MCTP1: variants seen among roughly 807,000 people sequenced by gnomAD.
The protein encoded by MCTP1 is multiple C2 and transmembrane domain-containing protein 1.
MCTP1 carries 69 observed loss-of-function variants against 120.6 expected under a neutral mutation model. The observed-to-expected ratio is 0.57, with a 90% CI of 0.47 to 0.70. The LOEUF is 0.70. MCTP1 is among the 30% of genes least tolerant of loss of function. The pLI is 0.00. For missense variants in MCTP1, 1,203 were observed against 1,248.8 expected (o/e 0.96, Z 0.55); for synonymous variants, 529 against 493.1 (o/e 1.07, Z -0.96).
chr5:95,034,193 T>C (rs970258716), intron 1 of MCTP1, among the ~76,000 whole-genome samples: 7 of 151,878 alleles, frequency 4.6e-5, no homozygotes, highest in African/African-American at 1.7e-4. Context: ...AAATTACCAA[T>C]GTCATTTTTC....
rs1459410372 is a variant in MCTP1, at chr5:94,950,077, AGAAAAT to A, written c.981+3136_981+3141del. Among the ~76,000 whole-genome samples the A allele has an allele frequency of 1.1e-4, 17 of 152,276 alleles. No individual in the cohort carries two copies. The East Asian group carries it at 3.3e-3, about 29-fold the overall frequency. On this transcript the variant is annotated intron_variant, in intron 3 of 22. Transcript: ENST00000515393. ...TCAAAAAAAGCCCTAGGCATTTTAC[AGAAAAT>A]GAAAATCAACTGAAAAAAAATAGGA...
At chr5:95,254,694 C>G (rs1757702670) in intron 1 of MCTP1, among the ~76,000 whole-genome samples, 1 of 152,106 alleles carries the variant, frequency 6.6e-6, no homozygotes, top group African/African-American at 2.4e-5. Context: ...TCAAAAACTA[C>G]TACACATATT....
intron 1 of MCTP1, among the ~76,000 whole-genome samples, chr5:95,144,843 G>A (rs974914237): frequency 1.3e-5 from 2 of 152,018 alleles, no homozygotes; most frequent in African/African-American, 4.8e-5. Flanking sequence ...GTCACATAAT[G>A]CCTTTGACAT....
chr5:94,799,218 A>C (rs926702352), intron 17 of MCTP1, 86 bp from the exon 18 acceptor site: 2 of 1,228,254 alleles, frequency 1.6e-6, no homozygotes, highest in African/African-American at 3.1e-5. Context: ...CTTCAAAAAC[A>C]CAAAACCAAA....
chr5:94,845,505 T>A (rs1407881405), intron 17 of MCTP1, among the ~76,000 whole-genome samples: 1 of 150,280 alleles, frequency 6.7e-6, no homozygotes, highest in Non-Finnish European at 1.5e-5. Flanking sequence ...CACAACCAGA[T>A]TAAAAAGTGG....
intron 1 of MCTP1, among the ~76,000 whole-genome samples, chr5:95,047,841 C>T (rs932695460): frequency 4.6e-5 from 7 of 152,094 alleles, no homozygotes; most frequent in Admixed American, 2.6e-4. Flanking sequence ...GTTTCTATAG[C>T]GATCCTTATA....
chr5:95,217,012 C>T (rs1200868834), intron 1 of MCTP1, among the ~76,000 whole-genome samples: 2 of 152,060 alleles, frequency 1.3e-5, no homozygotes, highest in Non-Finnish European at 2.9e-5. Flanking sequence ...CTAGCAGATG[C>T]GTATATACAG....
At chr5:95,160,654 C>T (rs1292335393) in intron 1 of MCTP1, among the ~76,000 whole-genome samples, 1 of 152,124 alleles carries the variant, frequency 6.6e-6, no homozygotes, top group Non-Finnish European at 1.5e-5. Context: ...AAACACTTAA[C>T]AGAGTGAAGA....
chr5:94,943,858 G>T (rs1328211627), intron 3 of MCTP1, among the ~76,000 whole-genome samples: 1 of 151,872 alleles, frequency 6.6e-6, no homozygotes, highest in Non-Finnish European at 1.5e-5. Context: ...CATTTGTATT[G>T]AACACTGGAG....
At chr5:95,187,978 TA>T (rs769473805) in intron 1 of MCTP1, among the ~76,000 whole-genome samples, 9 of 152,326 alleles carry the variant, frequency 5.9e-5, no homozygotes, top group Admixed American at 5.2e-4. Flanking sequence ...ACGTCTCATG[TA>T]CCCCATAGAT....
chr5:95,111,621 A>G (rs1014219378), intron 1 of MCTP1, among the ~76,000 whole-genome samples: 2 of 152,228 alleles, frequency 1.3e-5, no homozygotes, highest in Non-Finnish European at 2.9e-5. Flanking sequence ...TTAACCAAAA[A>G]GATGTTTGGT....
At chr5:94,884,182 C>T (rs1800735229) in intron 12 of MCTP1, among the ~76,000 whole-genome samples, 1 of 152,150 alleles carries the variant, frequency 6.6e-6, no homozygotes, top group Non-Finnish European at 1.5e-5. Flanking sequence ...AGACTGGAGG[C>T]ACAGTAATCA....
chr5:95,229,057 C>A (rs961354301), intron 1 of MCTP1, among the ~76,000 whole-genome samples: 2 of 152,164 alleles, frequency 1.3e-5, no homozygotes, highest in South Asian at 4.1e-4. Context: ...TAGATGAGCA[C>A]TTGATATGCT....
intron 2 of MCTP1, among the ~76,000 whole-genome samples, chr5:95,005,292 A>T (rs1834490861): frequency 6.6e-6 from 1 of 152,154 alleles, no homozygotes; most frequent in Non-Finnish European, 1.5e-5. Context: ...TCATAGGCAG[A>T]AGGGACTTGC....
intron 1 of MCTP1, among the ~76,000 whole-genome samples, chr5:95,020,743 T>TA (rs1167235797): frequency 2.6e-5 from 4 of 152,068 alleles, no homozygotes; most frequent in African/African-American, 7.2e-5. Context: ...ATGTATCTTC[T>TA]AATCATGTGA....
Position 94,738,534 on chromosome 5 carries a change from C to G in MCTP1, c.2611-23648G>C, listed in dbSNP as rs543277868. 2.6e-5 allele frequency among the ~76,000 whole-genome samples: 4 copies of G among 152,256 alleles called. No individual in the cohort carries two copies. The South Asian group carries it at 8.3e-4, about 32-fold the overall frequency. On this transcript the variant is annotated intron_variant, in intron 19 of 22. Coordinates refer to ENST00000515393, the MANE Select transcript of MCTP1 (RefSeq NM_024717.7). The stretch of plus-strand genomic sequence containing the variant: ...TGAACATTCTACCTGAAGCAGCACC[C>G]TCTCCACCTCACCTCTACCTTGGGA...
intron 1 of MCTP1, among the ~76,000 whole-genome samples, chr5:95,064,911 TA>T (rs1475425367): frequency 6.6e-5 from 10 of 152,232 alleles, no homozygotes; most frequent in African/African-American, 2.4e-4. Context: ...GCCATTTAAA[TA>T]GCTGACCTAT....
intron 18 of MCTP1, among the ~76,000 whole-genome samples, chr5:94,780,463 C>T (rs1185680437): frequency 2.6e-5 from 4 of 151,208 alleles, no homozygotes; most frequent in Admixed American, 1.3e-4. Context: ...GTCTCATGAA[C>T]GAATATATAA....
chr5:95,280,822 T>G (rs1255052380), intron 1 of MCTP1, among the ~76,000 whole-genome samples: 1 of 152,206 alleles, frequency 6.6e-6, no homozygotes, highest in Admixed American at 6.5e-5. Flanking sequence ...TCACTTTTAC[T>G]CATATATACC....
Sources: allele counts gnomAD v4.1 joint callset (sites outside exome capture counted in the v4.1 genomes callset), GRCh38; gene constraint gnomAD v4.1.1; transcripts MANE v1.5; gene names NCBI Gene and HGNC (gene_info 2026-07-23, HGNC 2026-07-21).